The following DLG2 variants were observed in gnomAD, a reference collection of about 807,000 sequenced individuals.
The protein encoded by DLG2 is disks large homolog 2.
Under a neutral mutation model 132.5 loss-of-function variants are expected in DLG2, and 45 were observed. The observed-to-expected ratio is 0.34, with a 90% CI of 0.27 to 0.44. DLG2 has a LOEUF of 0.44. DLG2 is among the 20% of genes least tolerant of loss of function. DLG2 has a pLI of 1.00. For synonymous variants in DLG2, 424 were observed against 419.6 expected (o/e 1.01, Z -0.13); for missense variants, 1,045 against 1,196.9 (o/e 0.87, Z 1.87).
At chr11:83,924,723 G>C (rs921969270) in intron 15 of DLG2, among the ~76,000 whole-genome samples, 39 of 152,046 alleles carry the variant, frequency 2.6e-4, no homozygotes, top group African/African-American at 9.4e-4. Context: ...CATAACTCTG[G>C]CATATGATTG....
At chr11:84,686,328 C>A (rs925002404) in intron 6 of DLG2, among the ~76,000 whole-genome samples, 17 of 152,168 alleles carry the variant, frequency 1.1e-4, no homozygotes, top group Admixed American at 5.9e-4. Flanking sequence ...TAATACGCAA[C>A]TTCCTTGTTA....
At chr11:84,080,845 A>AGCTGG (rs2096891320) in intron 10 of DLG2, among the ~76,000 whole-genome samples, 1 of 152,072 alleles carries the variant, frequency 6.6e-6, no homozygotes, top group Non-Finnish European at 1.5e-5. Flanking sequence ...CACAAAAATT[A>AGCTGG]GCTGGGCGTG....
intron 4 of DLG2, among the ~76,000 whole-genome samples, chr11:85,172,494 C>T (rs777824157): frequency 1.3e-5 from 2 of 152,120 alleles, no homozygotes; most frequent in Non-Finnish European, 2.9e-5. Flanking sequence ...GGTAGAGAAG[C>T]CCACAAAGAT....
intron 15 of DLG2, among the ~76,000 whole-genome samples, chr11:83,895,108 G>C (rs1314722392): frequency 6.7e-6 from 1 of 148,528 alleles, no homozygotes; most frequent in African/African-American, 2.5e-5. Context: ...GCACATACAT[G>C]TGTATCAGGA....
chr11:83,827,622 C>T (rs995916421), intron 17 of DLG2, among the ~76,000 whole-genome samples: 4 of 152,126 alleles, frequency 2.6e-5, no homozygotes, highest in South Asian at 2.1e-4. Flanking sequence ...GTTAGCAAGT[C>T]AGCTGGGGTG....
At position 83,880,525 on chromosome 11, in the gene DLG2, T is replaced by G. The variant is rs563669242; in HGVS notation, c.1497-6037A>C. Among the ~76,000 whole-genome samples, 176 of 152,232 alleles carry G rather than the reference T, an allele frequency of 1.2e-3. 1 individual carries two copies. The highest frequency in any genetic ancestry group is 4.1e-3 in the African/African-American group (171 of 41,532). On this transcript the variant is annotated intron_variant, in intron 15 of 27. Coordinates refer to ENST00000376104, the MANE Select transcript of DLG2 (RefSeq NM_001142699.3). The stretch of plus-strand genomic sequence containing the variant: ...AAATTATCCTACATATAAAGGGCCC[T>G]GTTTTTCCCAGGGTATAGGAAGAGT...
rs550275869 is a variant in DLG2, at chr11:83,884,647, G to A, written c.1497-10159C>T. 4.5e-4 allele frequency among the ~76,000 whole-genome samples: 68 copies of A among 152,350 alleles called. 1 individual carries two copies. In the South Asian group the frequency reaches 0.014, roughly 31 times the overall value. Reference sequence around the variant, plus strand: ...GAGGACGGGCAGACTGCCTCCTCAAGTGGGTCCCTGACCCCTGACTACCAA... The same window carrying A: ...GAGGACGGGCAGACTGCCTCCTCAAATGGGTCCCTGACCCCTGACTACCAA... On this transcript the variant is annotated intron_variant, in intron 15 of 27. Transcript: ENST00000376104.
At chr11:84,715,470 G>C (rs2061112186) in intron 6 of DLG2, among the ~76,000 whole-genome samples, 1 of 152,014 alleles carries the variant, frequency 6.6e-6, no homozygotes, top group African/African-American at 2.4e-5. Flanking sequence ...CTGTACCTGA[G>C]ATCTCTAGGT....
At chr11:85,300,711 G>T (rs1211104444) in intron 3 of DLG2, among the ~76,000 whole-genome samples, 2 of 152,100 alleles carry the variant, frequency 1.3e-5, no homozygotes, top group Admixed American at 6.5e-5. Context: ...CAGGCCTAAA[G>T]AATATAGGGT....
intron 19 of DLG2, among the ~76,000 whole-genome samples, chr11:83,580,601 AACTT>A (rs957566616): frequency 2.6e-5 from 4 of 152,174 alleles, no homozygotes; most frequent in South Asian, 4.1e-4. Context: ...TAATTTGCAA[AACTT>A]ACTTACTTCA....
At chr11:84,749,250 T>C (rs949813842) in intron 6 of DLG2, among the ~76,000 whole-genome samples, 2 of 152,116 alleles carry the variant, frequency 1.3e-5, no homozygotes, top group Admixed American at 6.6e-5. Context: ...TCTAAAAGTT[T>C]TCTACACAGT....
At chr11:84,677,012 G>C (rs976026864) in intron 6 of DLG2, among the ~76,000 whole-genome samples, 2 of 151,994 alleles carry the variant, frequency 1.3e-5, no homozygotes, top group African/African-American at 4.8e-5. Flanking sequence ...GACAGATCAT[G>C]AAGGGCCCTA....
intron 4 of DLG2, among the ~76,000 whole-genome samples, chr11:85,222,430 A>T (rs2074708997): frequency 6.6e-6 from 1 of 152,202 alleles, no homozygotes; most frequent in Non-Finnish European, 1.5e-5. Flanking sequence ...CTCTTCTGGA[A>T]CTTAAACAGT....
At chr11:84,448,158 C>T (rs2099041051) in intron 7 of DLG2, among the ~76,000 whole-genome samples, 1 of 152,092 alleles carries the variant, frequency 6.6e-6, no homozygotes, top group African/African-American at 2.4e-5. Flanking sequence ...CCTAACCTGA[C>T]TGCTTTGGAA....
At chr11:85,202,342 T>C (rs2081535573) in intron 4 of DLG2, among the ~76,000 whole-genome samples, 1 of 152,022 alleles carries the variant, frequency 6.6e-6, no homozygotes, top group Non-Finnish European at 1.5e-5. Context: ...CAAGGCAGAT[T>C]CAAATATATA....
chr11:84,640,951 A>C (rs2099660425), intron 6 of DLG2, among the ~76,000 whole-genome samples: 1 of 139,714 alleles, frequency 7.2e-6, no homozygotes, highest in Non-Finnish European at 1.6e-5. Flanking sequence ...AAACAAACAA[A>C]CAAAAAAAAA....
In DLG2 at chr11:84,578,320, G is replaced by A. The variant is rs191949195; in HGVS notation, c.358-43589C>T. Among the ~76,000 whole-genome samples, 137 of 152,168 alleles carry A rather than the reference G, an allele frequency of 9.0e-4. 2 individuals carry two copies. The highest frequency in any genetic ancestry group is 8.9e-3 in the South Asian group (43 of 4,810). On this transcript the variant is annotated intron_variant, in intron 6 of 27. Coordinates refer to ENST00000376104, the MANE Select transcript of DLG2 (RefSeq NM_001142699.3). Reference sequence around the variant, plus strand: ...CAGACCCCAGAATGGTAGATCCACCGACAGCTTGCACTGTGTACCTGAAAA... The same window carrying A: ...CAGACCCCAGAATGGTAGATCCACCAACAGCTTGCACTGTGTACCTGAAAA...
chr11:84,640,309 A>G, intron 6 of DLG2: 1 of 344,858 alleles, frequency 2.9e-6, no homozygotes, highest in African/African-American at 2.2e-5. Context: ...ATCTAGGAGA[A>G]TGGGTCTCTT....
At chr11:83,708,647 C>T (rs2084630692) in intron 18 of DLG2, among the ~76,000 whole-genome samples, 1 of 152,112 alleles carries the variant, frequency 6.6e-6, no homozygotes, top group East Asian at 1.9e-4. Context: ...AATTACAGAG[C>T]TATGTATTTC....
Sources: gnomAD v4.1 joint callset for allele counts (sites outside exome capture counted in the v4.1 genomes callset) on GRCh38, gnomAD v4.1.1 for gene constraint, MANE v1.5 for transcripts, NCBI Gene and HGNC (gene_info 2026-07-23, HGNC 2026-07-21) for gene names.